Variants in ALG13 observed in about 807,000 individuals in gnomAD.
ALG13 encodes UDP-N-acetylglucosamine transferase subunit ALG13.
Under a neutral mutation model 87.8 loss-of-function variants are expected in ALG13, and 11 were observed. That is an observed-to-expected ratio of 0.13 (90% CI 0.08 to 0.21). ALG13 has a LOEUF of 0.21. Ranked by LOEUF, ALG13 falls within the 10% of genes least tolerant of loss-of-function variation. The pLI is 1.00. For synonymous variants in ALG13, 320 were observed against 306.3 expected, an observed-to-expected ratio of 1.04 and a Z score of -0.47; for missense variants, 756 against 866.1, an observed-to-expected ratio of 0.87 and a Z score of 1.60.
In ALG13 at chrX:111,682,145, T is replaced by G; in HGVS notation, c.95T>G (p.Leu32Arg). 8.4e-7 allele frequency: 1 copy of G among 1,183,872 alleles called. No homozygotes were observed. Among genetic ancestry groups the G allele is most frequent in the South Asian group, 1.9e-5 (1 of 52,000 alleles). The change falls in exon 2 of 27, where the codon CTT becomes CGT. Residue 32 changes from leucine (L) to arginine (R), a missense_variant. Coordinates refer to ENST00000394780, the MANE Select transcript of ALG13 (RefSeq NM_001099922.3). ...APDSLQKIES[L>R]GYNRLILQIG... ...TTCCTCTTTCAGAAAATCGAGAGCC[T>G]TGGTTACAACCGACTTATCCTGCAA...
chrX:111,717,746 G>C, intron 8 of ALG13, 100 bp from the exon 9 acceptor site: 1 of 553,273 alleles, frequency 1.8e-6, no homozygotes, highest in South Asian at 3.9e-5. Flanking sequence ...TTAGTTATCA[G>C]TTACTGACTA....
At chrX:111,734,715 C>CTT (rs905365501) in intron 21 of ALG13, among the ~76,000 whole-genome samples, 1 of 107,386 alleles carries the variant, frequency 9.3e-6, no homozygotes, top group Non-Finnish European at 1.9e-5. Context: ...GATAGAATGC[C>CTT]TTTTTTTTTT....
At chrX:111,701,128 C>T (rs763694502) in intron 3 of ALG13, among the ~76,000 whole-genome samples, 3 of 111,384 alleles carry the variant, frequency 2.7e-5, no homozygotes. Flanking sequence ...GTTTTGTTGA[C>T]GACTTGCATT....
intron 3 of ALG13, among the ~76,000 whole-genome samples, chrX:111,693,194 G>A (rs1247433683): frequency 2.1e-5 from 2 of 96,705 alleles, no homozygotes; most frequent in Non-Finnish European, 4.1e-5. Context: ...TTTGGTAGGC[G>A]GCTAAACAAA....
At chrX:111,694,106 C>T (rs979480569) in intron 3 of ALG13, among the ~76,000 whole-genome samples, 3 of 109,772 alleles carry the variant, frequency 2.7e-5, no homozygotes, top group Non-Finnish European at 5.7e-5. Context: ...TGCAGTGGCG[C>T]GGTCTCTGCT....
intron 3 of ALG13, among the ~76,000 whole-genome samples, chrX:111,703,245 T>C (rs1938206970): frequency 9.1e-6 from 1 of 110,449 alleles, no homozygotes; most frequent in African/African-American, 3.3e-5. Flanking sequence ...GCTTTCCTCA[T>C]TTCACTTCGG....
Position 111,759,725 on chromosome X carries a change from T to C in ALG13, c.3149-9T>C, listed in dbSNP as rs1945586942. ...ATATAAAGTAGACTGTATACATCCT[T>C]TCTTTCAGATACTTTTCCGAATGCT... On this transcript the variant is annotated splice_polypyrimidine_tract_variant and intron_variant, in intron 26 of 26. Transcript: ENST00000394780. 1 of 1,194,727 alleles carries C rather than the reference T, an allele frequency of 8.4e-7. No individual in the cohort carries two copies. Among genetic ancestry groups the C allele is most frequent in the Non-Finnish European group, 1.1e-6 (1 of 885,164 alleles).
At chrX:111,713,180 A>G (rs377032535) in intron 7 of ALG13, 45 bp from the exon 8 acceptor site, 121 of 893,730 alleles carry the variant, frequency 1.4e-4, no homozygotes, top group Non-Finnish European at 1.7e-4. Context: ...TCTCTTACGT[A>G]TGCCAAATTA....
chrX:111,711,585 CA>C lies in ALG13; in HGVS notation c.835-84del, dbSNP rs1939787557. The C allele has an allele frequency of 5.8e-6, 5 of 865,079 alleles. No individual in the cohort carries two copies. In the East Asian group the frequency reaches 1.6e-4, roughly 28 times the overall value. The allele number at this position is 865,079 out of a possible 1,213,427, so 71.3% of individuals were successfully genotyped here. On this transcript the variant is annotated intron_variant, in intron 5 of 26. Coordinates refer to ENST00000394780, the MANE Select transcript of ALG13 (RefSeq NM_001099922.3). ...CTTACACCATAATTGTTGAGCTGAG[CA>C]AAAAACGCATTGCAGGATAATGTAG... is the stretch of plus-strand genomic sequence containing the variant.
At chrX:111,711,513 CTT>C (rs1391147513) in intron 5 of ALG13, among the ~76,000 whole-genome samples, 160 bp from the exon 6 acceptor site, 1 of 112,132 alleles carries the variant, frequency 8.9e-6, no homozygotes, top group Non-Finnish European at 1.9e-5. Flanking sequence ...CCACTCATGA[CTT>C]TTGTGTATGT....
In ALG13 at chrX:111,691,702, TA is replaced by T. The variant is rs1936176801; in HGVS notation, c.383+6601del. ...AATATTTGAAATCAGAGGATTTTCC[TA>T]AGAAATTTAGATTGTATGTTAGCCA... On this transcript the variant is annotated intron_variant, in intron 3 of 26. Coordinates refer to ENST00000394780, the MANE Select transcript of ALG13 (RefSeq NM_001099922.3). 4.5e-5 allele frequency among the ~76,000 whole-genome samples: 5 copies of T among 111,946 alleles called. No homozygotes were observed. In the South Asian group the frequency reaches 1.9e-3, roughly 42 times the overall value.
intron 8 of ALG13, among the ~76,000 whole-genome samples, chrX:111,717,166 A>C (rs1055076318): frequency 3.6e-5 from 4 of 110,893 alleles, no homozygotes; most frequent in African/African-American, 1.3e-4. Flanking sequence ...AAATTTCATC[A>C]CATGCAACAT....
intron 21 of ALG13, chrX:111,734,259 A>T (rs1943017269): frequency 8.9e-6 from 1 of 112,464 alleles, no homozygotes; most frequent in Non-Finnish European, 1.9e-5. Context: ...ATGAACATTT[A>T]TTTCTACTTC....
At position 111,744,962 on chromosome X, in the gene ALG13, C is replaced by A. The variant is rs372450765; in HGVS notation, c.2932+58C>A. The A allele has an allele frequency of 4.9e-5, 49 of 990,618 alleles. No homozygotes were observed. The East Asian group carries it at 1.0e-3, about 20-fold the overall frequency. 81.6% of individuals were successfully genotyped at this position (990,618 alleles called of 1,213,427 possible). ...TGAGACTTAAAAAATATTGTTAGAG[C>A]ATATCTCTCTTTGGTTGACCTATTG... On this transcript the variant is annotated intron_variant, in intron 24 of 26. Coordinates refer to ENST00000394780, the MANE Select transcript of ALG13 (RefSeq NM_001099922.3).
At chrX:111,756,370 C>G (rs535553558) in intron 25 of ALG13, among the ~76,000 whole-genome samples, 2 of 111,454 alleles carry the variant, frequency 1.8e-5, no homozygotes, top group South Asian at 7.7e-4. Context: ...TGTAACAAAC[C>G]TGCATGTTCT....
intron 24 of ALG13, among the ~76,000 whole-genome samples, chrX:111,748,340 A>G (rs972491427): frequency 8.9e-6 from 1 of 112,222 alleles, no homozygotes; most frequent in African/African-American, 3.2e-5. Flanking sequence ...ATGGTATTGT[A>G]TCTAAAAAGT....
At chrX:111,741,646 C>T (rs1375892565) in intron 23 of ALG13, among the ~76,000 whole-genome samples, 1 of 110,273 alleles carries the variant, frequency 9.1e-6, no homozygotes, top group Non-Finnish European at 1.9e-5. Context: ...AACCCCATCT[C>T]TACTAAAAAT....
Position 111,708,239 on chromosome X carries a change from C to A in ALG13, c.596C>A (p.Pro199His). Residue 199 changes from proline to histidine, a missense_variant, in exon 4 of 27, where the codon CCC (proline) becomes CAC (histidine). Pro to His is a moderately conservative substitution (Grantham distance 77, BLOSUM62 -2). Transcript: ENST00000394780. ...GCTTTTTTTCCTCTCCCTCTTACCCCCACCCTGTACAAAATGCATAAAGGA... is the reference window on the plus strand; with the variant it reads ...GCTTTTTTTCCTCTCCCTCTTACCCACACCCTGTACAAAATGCATAAAGGA... The part of the protein sequence containing the change: ...CHAFFPLPLT[P>H]TLYKMHKGWK... 8.3e-7 allele frequency: 1 copy of A among 1,211,566 alleles called. No individual in the cohort carries two copies. Among genetic ancestry groups the A allele is most frequent in the Non-Finnish European group, 1.1e-6 (1 of 895,423 alleles).
At chrX:111,740,227 G>T (rs769297398) in intron 23 of ALG13, among the ~76,000 whole-genome samples, 3 of 111,102 alleles carry the variant, frequency 2.7e-5, no homozygotes, top group Non-Finnish European at 5.7e-5. Context: ...CTTTAGTTTA[G>T]ATGCTCAGAA....
Sources: gnomAD v4.1 joint callset for allele counts (sites outside exome capture counted in the v4.1 genomes callset) on GRCh38, gnomAD v4.1.1 for gene constraint, MANE v1.5 for transcripts, NCBI Gene and HGNC (gene_info 2026-07-23, HGNC 2026-07-21) for gene names.